SIM1: variants seen among roughly 807,000 people sequenced by gnomAD.
SIM1 encodes the protein single-minded homolog 1.
Under a neutral mutation model 78.2 loss-of-function variants are expected in SIM1, and 18 were observed. The ratio of observed to expected loss-of-function variants is 0.23; its 90% CI spans 0.16 to 0.34. SIM1 has a LOEUF of 0.34. SIM1 is among the 10% of genes least tolerant of loss of function. SIM1 has a pLI of 1.00. For missense variants in SIM1, 939 were observed against 975.1 expected (o/e 0.96, Z 0.49); for synonymous variants, 417 against 385.2 (o/e 1.08, Z -0.97).
chr6:100,462,678 C>T (rs1295472831), intron 2 of SIM1: 2 of 152,122 alleles, frequency 1.3e-5, no homozygotes, highest in African/African-American at 2.4e-5. Flanking sequence ...TAACATCAAG[C>T]CCACAGTTGC....
At chr6:100,451,795 G>T (rs1319784855) in intron 3 of SIM1, among the ~76,000 whole-genome samples, 1 of 152,180 alleles carries the variant, frequency 6.6e-6, no homozygotes, top group African/African-American at 2.4e-5. Flanking sequence ...GTGTGATTTT[G>T]TATGAGTAGA....
At chr6:100,395,841 A>G (rs911256392) in intron 10 of SIM1, among the ~76,000 whole-genome samples, 16 of 152,218 alleles carry the variant, frequency 1.1e-4, no homozygotes, top group Admixed American at 2.6e-4. Context: ...GGGAACCTCC[A>G]AAGTATGCCA....
intron 2 of SIM1, among the ~76,000 whole-genome samples, chr6:100,456,171 C>T (rs909806690): frequency 2.0e-4 from 31 of 152,228 alleles, no homozygotes; most frequent in African/African-American, 7.0e-4. Context: ...CTACTCTCGT[C>T]TACCTGCCGG....
In SIM1 at chr6:100,385,483, C is replaced by T. The variant is rs1044428843; in HGVS notation, c.*4878G>A. The T allele has an allele frequency of 1.3e-5, 2 of 151,866 alleles. No individual in the cohort carries two copies. The highest frequency in any genetic ancestry group is 2.4e-5 in the African/African-American group (1 of 41,376). The allele number at this position is 151,866 out of a possible 1,614,324, so 9.4% of individuals were successfully genotyped here. ...TTGAAATGTAAACACATCAGGGTTA[C>T]CGGGTGTAAGTTTAACAGTGATTAC... On this transcript the variant is annotated 3_prime_UTR_variant, in exon 12 of 12. Transcript: ENST00000369208.
intron 9 of SIM1, among the ~76,000 whole-genome samples, chr6:100,442,754 A>T (rs1038027405): frequency 6.6e-6 from 1 of 151,944 alleles, no homozygotes; most frequent in Non-Finnish European, 1.5e-5. Context: ...TTCTCTAAAA[A>T]CTCCTAGTAA....
At chr6:100,459,157 A>T (rs974342280) in intron 2 of SIM1, among the ~76,000 whole-genome samples, 1 of 152,220 alleles carries the variant, frequency 6.6e-6, no homozygotes, top group African/African-American at 2.4e-5. Context: ...CCGTTTTATC[A>T]TTAGACGGGT....
chr6:100,402,642 A>ATC (rs1770949942), intron 10 of SIM1, among the ~76,000 whole-genome samples: 1 of 129,308 alleles, frequency 7.7e-6, no homozygotes. Context: ...CAGTGGCACG[A>ATC]TCTCGGCTCA....
intron 9 of SIM1, among the ~76,000 whole-genome samples, chr6:100,442,804 T>A (rs1772250008): frequency 6.6e-6 from 1 of 152,086 alleles, no homozygotes; most frequent in Non-Finnish European, 1.5e-5. Flanking sequence ...AAGTAATTTT[T>A]AAAAATTTGA....
intron 10 of SIM1, among the ~76,000 whole-genome samples, chr6:100,409,264 G>A (rs890913425): frequency 3.9e-5 from 6 of 152,128 alleles, no homozygotes; most frequent in Admixed American, 1.3e-4. Context: ...TAATGATTCA[G>A]TCTTGGTAGA....
intron 10 of SIM1, among the ~76,000 whole-genome samples, chr6:100,410,305 T>C (rs1771160904): frequency 6.6e-6 from 1 of 152,190 alleles, no homozygotes; most frequent in Non-Finnish European, 1.5e-5. Flanking sequence ...TCCTCTCTTC[T>C]TTTAAGCTGG....
In SIM1 at chr6:100,392,130, C is replaced by T. The variant is rs184083810; in HGVS notation, c.1571-1039G>A. On this transcript the variant is annotated intron_variant, in intron 11 of 11. Coordinates refer to ENST00000369208, the MANE Select transcript of SIM1 (RefSeq NM_005068.3). ...CAGAGGTTGCAGTGAGCCGAGATCGCGCCATTGCACTCCAGCCTAGGCGAC... is the reference window on the plus strand; with the variant it reads ...CAGAGGTTGCAGTGAGCCGAGATCGTGCCATTGCACTCCAGCCTAGGCGAC... Among the ~76,000 whole-genome samples, 119 of 152,200 alleles carry T rather than the reference C, an allele frequency of 7.8e-4. No individual in the cohort carries two copies. The East Asian group carries it at 0.016, about 21-fold the overall frequency.
At chr6:100,403,880 CAAAT>C (rs1770989153) in intron 10 of SIM1, among the ~76,000 whole-genome samples, 1 of 152,120 alleles carries the variant, frequency 6.6e-6, no homozygotes, top group African/African-American at 2.4e-5. Flanking sequence ...ACAGACATAA[CAAAT>C]AAGGTTCAAA....
At chr6:100,459,190 T>A (rs1363561120) in intron 2 of SIM1, among the ~76,000 whole-genome samples, 1 of 152,232 alleles carries the variant, frequency 6.6e-6, no homozygotes, top group Non-Finnish European at 1.5e-5. Context: ...CTTGAAAGCA[T>A]CCCACCATAG....
chr6:100,443,227 A>G (rs903446717), intron 9 of SIM1, among the ~76,000 whole-genome samples: 4 of 152,132 alleles, frequency 2.6e-5, no homozygotes, highest in Non-Finnish European at 5.9e-5. Flanking sequence ...CAGAAATAGA[A>G]GTTTTAACAT....
chr6:100,390,442 A>C lies in SIM1; in HGVS notation c.2220T>G (p.Asp740Glu). 6.2e-7 allele frequency: 1 copy of C among 1,614,160 alleles called. No homozygotes were observed. The highest frequency in any genetic ancestry group is 8.5e-7 in the Non-Finnish European group (1 of 1,180,026). The change falls in exon 12 of 12, where the codon GAT (aspartate) becomes GAG (glutamate). Residue 740 changes from aspartate to glutamate, a missense_variant. Physicochemically the swap from Asp to Glu is conservative, Grantham distance 45. Around this residue, in one of 5 missense-constraint regions of SIM1, gnomAD observed 556 missense variants for 521.9 expected, o/e 1.07. Coordinates refer to ENST00000369208, the MANE Select transcript of SIM1 (RefSeq NM_005068.3). ...YSLGCNGSHFDVTSHLRMQPD... is the reference protein window; with the variant it reads ...YSLGCNGSHFEVTSHLRMQPD... The stretch of plus-strand genomic sequence containing the variant: ...GTTGCATCCTCAGATGGGAAGTTAC[A>C]TCAAAGTGTGAGCCATTACAGCCCA...
chr6:100,462,940 TG>T (rs1460909300), intron 2 of SIM1: 2 of 191,446 alleles, frequency 1.0e-5, no homozygotes, highest in East Asian at 2.6e-4. Flanking sequence ...TGGTTTTTAC[TG>T]GACAAAATTC....
chr6:100,421,162 T>A (rs909602795), intron 9 of SIM1, among the ~76,000 whole-genome samples: 1 of 152,218 alleles, frequency 6.6e-6, no homozygotes, highest in Admixed American at 6.5e-5. Context: ...TTTTCATTTT[T>A]TTTCGTTAAG....
At chr6:100,449,199 A>G (rs1332091757) in intron 6 of SIM1, among the ~76,000 whole-genome samples, 164 bp downstream of exon 6, 1 of 152,142 alleles carries the variant, frequency 6.6e-6, no homozygotes, top group Non-Finnish European at 1.5e-5. Flanking sequence ...GCTGTTCACA[A>G]AGTTCCGTGG....
chr6:100,448,365 C>A lies in SIM1; in HGVS notation c.744-113G>T, dbSNP rs1045382253. 4.4e-6 allele frequency: 6 copies of A among 1,376,786 alleles called. No homozygotes were observed. The Admixed American group carries it at 1.2e-4, about 28-fold the overall frequency. The allele number at this position is 1,376,786 out of a possible 1,614,324, so 85.3% of individuals were successfully genotyped here. On this transcript the variant is annotated intron_variant, in intron 7 of 11. Coordinates refer to ENST00000369208, the MANE Select transcript of SIM1 (RefSeq NM_005068.3). ...GCTGTCCGCCCTCACTTTCCAGGGCCGATTCAGTCGCCTCATGTGCAAAAT... is the reference window on the plus strand; with the variant it reads ...GCTGTCCGCCCTCACTTTCCAGGGCAGATTCAGTCGCCTCATGTGCAAAAT...
Sources: allele counts gnomAD v4.1 joint callset (sites outside exome capture counted in the v4.1 genomes callset), GRCh38; gene constraint gnomAD v4.1.1; regional missense constraint gnomAD v4.1.1; transcripts MANE v1.5; gene names NCBI Gene and HGNC (gene_info 2026-07-23, HGNC 2026-07-21).